Variants in MGAT4C observed in about 807,000 individuals in gnomAD.
MGAT4C encodes alpha-1,3-mannosyl-glycoprotein 4-beta-N-acetylglucosaminyltransferase C.
A neutral mutation model predicts 40.1 loss-of-function variants in MGAT4C; 19 were observed. That is an observed-to-expected ratio of 0.47 (90% CI 0.33 to 0.70). The LOEUF (loss-of-function observed/expected upper bound fraction) is 0.70, where lower values mean the gene tolerates loss of function less well. Among genes scored for constraint, MGAT4C ranks in the 30% least tolerant of loss-of-function variants. The pLI, the probability that MGAT4C is intolerant of heterozygous loss-of-function variation, is 0.02. For missense variants in MGAT4C, 491 were observed against 563.2 expected (o/e 0.87, Z 1.30); for synonymous variants, 181 against 187.1 (o/e 0.97, Z 0.27).
At chr12:86,469,377 T>C (rs1449085639) in intron 2 of MGAT4C, among the ~76,000 whole-genome samples, 2 of 152,152 alleles carry the variant, frequency 1.3e-5, no homozygotes, top group Admixed American at 6.6e-5. Flanking sequence ...GCGACTTCTG[T>C]CTTGCTAGTC....
intron 2 of MGAT4C, among the ~76,000 whole-genome samples, chr12:86,511,658 G>C (rs1207646243): frequency 6.6e-6 from 1 of 152,076 alleles, no homozygotes; most frequent in Non-Finnish European, 1.5e-5. Context: ...GGAAGGAATA[G>C]TCTCTTCAAC....
At chr12:86,662,122 C>T (rs1963993655) in intron 2 of MGAT4C, among the ~76,000 whole-genome samples, 1 of 152,088 alleles carries the variant, frequency 6.6e-6, no homozygotes, top group Non-Finnish European at 1.5e-5. Context: ...ATGAAGACCC[C>T]TACTCCCAGT....
At chr12:86,263,992 AT>A (rs1336492982) in intron 4 of MGAT4C, among the ~76,000 whole-genome samples, 2 of 151,646 alleles carry the variant, frequency 1.3e-5, no homozygotes, top group African/African-American at 4.8e-5. Flanking sequence ...CTATTAATGT[AT>A]TTTGCCCACT....
At chr12:86,326,692 A>C (rs943096235) in intron 4 of MGAT4C, among the ~76,000 whole-genome samples, 4 of 152,250 alleles carry the variant, frequency 2.6e-5, no homozygotes, top group Admixed American at 6.5e-5. Context: ...TCACTTATAA[A>C]ATCAAGAAAA....
At chr12:86,304,334 T>A (rs1953883422) in intron 4 of MGAT4C, among the ~76,000 whole-genome samples, 1 of 150,618 alleles carries the variant, frequency 6.6e-6, no homozygotes. Context: ...TTGTTGTTAT[T>A]TTTGGCATTT....
At chr12:86,626,749 G>A (rs999010877) in intron 2 of MGAT4C, among the ~76,000 whole-genome samples, 4 of 152,184 alleles carry the variant, frequency 2.6e-5, no homozygotes, top group African/African-American at 9.7e-5. Flanking sequence ...AAATTGTTCT[G>A]TTCCAAGGTG....
intron 2 of MGAT4C, among the ~76,000 whole-genome samples, chr12:86,634,744 G>A (rs1963164604): frequency 6.6e-6 from 1 of 152,072 alleles, no homozygotes; most frequent in Admixed American, 6.6e-5. Context: ...TGCCTCTTCA[G>A]GACCAGCTGG....
intron 1 of MGAT4C, among the ~76,000 whole-genome samples, chr12:86,179,715 A>C (rs11103880): frequency 0.13 from 19,177 of 152,134 alleles, 2,504 homozygotes; most frequent in African/African-American, 0.33. Flanking sequence ...GACAGGGATG[A>C]TTTAGGGTAT....
At chr12:86,200,127 GT>G (rs56844963) in intron 1 of MGAT4C, among the ~76,000 whole-genome samples, 9,027 of 101,696 alleles carry the variant, frequency 0.089, 365 homozygotes, top group African/African-American at 0.21. Context: ...GTATGTATTT[GT>G]TTTTTTTTTT....
intron 1 of MGAT4C, among the ~76,000 whole-genome samples, chr12:86,208,696 A>G (rs1014787745): frequency 1.3e-5 from 2 of 152,042 alleles, no homozygotes; most frequent in Non-Finnish European, 1.5e-5. Context: ...AACTTTGCAC[A>G]GTCCAATTTT....
chr12:86,203,043 TGTGTGTGTGTG>T (rs1950107056), intron 1 of MGAT4C, among the ~76,000 whole-genome samples: 2 of 151,910 alleles, frequency 1.3e-5, no homozygotes, highest in East Asian at 3.9e-4. Flanking sequence ...TGTGTGTGTG[TGTGTGTGTGTG>T]TTTTTACATA....
chr12:86,289,445 T>C (rs1953446067), intron 4 of MGAT4C, among the ~76,000 whole-genome samples: 1 of 152,150 alleles, frequency 6.6e-6, no homozygotes, highest in Non-Finnish European at 1.5e-5. Flanking sequence ...ATCTGAAGAA[T>C]GTCATTGGTA....
intron 1 of MGAT4C, among the ~76,000 whole-genome samples, chr12:86,178,067 GC>G (rs1887677211): frequency 6.6e-6 from 1 of 152,070 alleles, no homozygotes; most frequent in Non-Finnish European, 1.5e-5. Flanking sequence ...CTCCCGAGTA[GC>G]TGGGACTACA....
chr12:86,344,001 T>C (rs746318203), intron 3 of MGAT4C, among the ~76,000 whole-genome samples: 10 of 152,194 alleles, frequency 6.6e-5, no homozygotes, highest in Admixed American at 1.3e-4. Flanking sequence ...TGCCATTTCT[T>C]CATTCTACCT....
In MGAT4C at chr12:86,216,670, C is replaced by T. The variant is rs1252827738; in HGVS notation, c.-57+39569G>A. Among the ~76,000 whole-genome samples the T allele has an allele frequency of 2.6e-5, 4 of 152,146 alleles. No individual in the cohort carries two copies. In the East Asian group the frequency reaches 7.7e-4, roughly 29 times the overall value. ...ATGTAAAAGAGCTCTATCTAATCAT[C>T]TTCAAAATAAGTGCTTATATAAATC... On this transcript the variant is annotated intron_variant, in intron 1 of 4. Transcript: ENST00000611864.
At chr12:86,584,372 T>G (rs916814007) in intron 2 of MGAT4C, among the ~76,000 whole-genome samples, 2 of 150,974 alleles carry the variant, frequency 1.3e-5, no homozygotes, top group Non-Finnish European at 3.0e-5. Context: ...TCCTCATTGA[T>G]GCCACAGTCT....
chr12:86,105,107 T>C (rs1299493484), intron 1 of MGAT4C, among the ~76,000 whole-genome samples: 6 of 152,196 alleles, frequency 3.9e-5, no homozygotes, highest in Admixed American at 2.6e-4. Context: ...TCTAAATCAA[T>C]CATATCAAGG....
At chr12:86,425,882 A>T (rs1281554917) in intron 3 of MGAT4C, among the ~76,000 whole-genome samples, 1 of 152,192 alleles carries the variant, frequency 6.6e-6, no homozygotes, top group Non-Finnish European at 1.5e-5. Context: ...CTAATTTGCA[A>T]ATGACTTATT....
At chr12:86,188,042 C>T (rs2135890865) in intron 1 of MGAT4C, among the ~76,000 whole-genome samples, 1 of 152,116 alleles carries the variant, frequency 6.6e-6, no homozygotes, top group Admixed American at 6.6e-5. Flanking sequence ...ACCTGATGGG[C>T]CTTTGCCTGT....
Sources: gnomAD v4.1 joint callset for allele counts (sites outside exome capture counted in the v4.1 genomes callset) on GRCh38, gnomAD v4.1.1 for gene constraint, MANE v1.5 for transcripts, NCBI Gene and HGNC (gene_info 2026-07-23, HGNC 2026-07-21) for gene names.